ZNF529: variants seen among roughly 807,000 people sequenced by gnomAD.
ZNF529 encodes the protein zinc finger protein 529.
In ZNF529, 11 loss-of-function variants were observed where a neutral mutation model predicts 10.1. The ratio of observed to expected loss-of-function variants is 1.09; its 90% CI spans 0.69 to 1.81. The LOEUF is 1.81. Among genes scored for constraint, ZNF529 ranks in the 40% most tolerant of loss-of-function variants. The pLI, the probability that ZNF529 is intolerant of heterozygous loss-of-function variation, is 0.00. For synonymous variants in ZNF529, 204 were observed against 215.7 expected, an observed-to-expected ratio of 0.95 and a Z score of 0.47; for missense variants, 624 against 666.8, an observed-to-expected ratio of 0.94 and a Z score of 0.71.
Position 36,546,601 on chromosome 19 carries a change from A to G in ZNF529, c.*265T>C. The G allele has an allele frequency of 2.8e-6, 1 of 357,238 alleles. No homozygotes were observed. The highest frequency in any genetic ancestry group is 5.0e-6 in the Non-Finnish European group (1 of 198,662). The allele number at this position is 357,238 out of a possible 1,614,324, so 22.1% of individuals were successfully genotyped here. A position where few individuals can be genotyped will look rare whatever the true frequency, so the allele number is the denominator to read the frequency against. Reference sequence around the variant, plus strand: ...AGCAATAATACAAACATCAAAAGCTATTGTAAACAAAACATGCCAGGATGA... The same window carrying G: ...AGCAATAATACAAACATCAAAAGCTGTTGTAAACAAAACATGCCAGGATGA... On this transcript the variant is annotated 3_prime_UTR_variant, in exon 5 of 5. Coordinates refer to ENST00000591340, the MANE Select transcript of ZNF529 (RefSeq NM_020951.5).
chr19:36,551,919 A>G (rs1037912486), intron 4 of ZNF529: 17 of 152,210 alleles, frequency 1.1e-4, no homozygotes, highest in African/African-American at 4.1e-4. Context: ...CAATTCCATG[A>G]GAGCAGGGTC....
At chr19:36,575,591 AAT>A (rs1432839453), upstream of ZNF529, among the ~76,000 whole-genome samples, 1 of 152,088 alleles carries the variant, frequency 6.6e-6, no homozygotes, top group African/African-American at 2.4e-5. Flanking sequence ...TAGTAATTAA[AAT>A]AGTCATTTTC....
chr19:36,595,823 C>T (rs1600370907), intron 1 of ZNF529, among the ~76,000 whole-genome samples: 1 of 152,032 alleles, frequency 6.6e-6, no homozygotes, highest in Admixed American at 6.6e-5. Context: ...TTGGAGATAG[C>T]ATATATCTAC....
rs545910242 is a variant in ZNF529, at chr19:36,591,463, T to C, written c.-127-1762A>G. On this transcript the variant is annotated intron_variant, in intron 1 of 4. Coordinates refer to the ZNF529 transcript ENST00000585960. Reference sequence around the variant, plus strand: ...GGCCAGACGCAGTGGCTCACACCTGTAATCCCAGCACTTTGGGAGGCCGAG... The same window carrying C: ...GGCCAGACGCAGTGGCTCACACCTGCAATCCCAGCACTTTGGGAGGCCGAG... Among the ~76,000 whole-genome samples, 10 of 152,170 alleles carry C rather than the reference T, an allele frequency of 6.6e-5. No homozygotes were observed. The South Asian group carries it at 2.1e-3, about 32-fold the overall frequency.
rs1000367485 is a variant in ZNF529 at position 36,598,944 on chromosome 19, C to G, written c.-128+6182G>C. 5.3e-5 allele frequency among the ~76,000 whole-genome samples: 8 copies of G among 152,126 alleles called. No individual in the cohort carries two copies. The East Asian group carries it at 1.5e-3, about 29-fold the overall frequency. On this transcript the variant is annotated intron_variant, in intron 1 of 4. Transcript: ENST00000585960. ...AGCACAGCCTGCAAATGTAATTAGT[C>G]TTCACTAACAACATTACCCACAGAT...
At chr19:36,568,327 T>C (rs1001297573) in intron 2 of ZNF529, among the ~76,000 whole-genome samples, 2 of 152,142 alleles carry the variant, frequency 1.3e-5, no homozygotes, top group Non-Finnish European at 2.9e-5. Context: ...ACTCCATCTC[T>C]AGTGCAGCAT....
chr19:36,591,141 A>C (rs1457153533), intron 1 of ZNF529, among the ~76,000 whole-genome samples: 1 of 150,748 alleles, frequency 6.6e-6, no homozygotes, highest in Non-Finnish European at 1.5e-5. Flanking sequence ...TCTACTAAAA[A>C]TACAAAAATT....
chr19:36,547,749 G>T lies in ZNF529; in HGVS notation c.809C>A (p.Thr270Asn). Residue 270 changes from threonine (T) to asparagine (N), a missense_variant, in exon 5 of 5, where the codon ACT becomes AAT. Thr to Asn is a moderately conservative substitution (Grantham distance 65, BLOSUM62 0). Coordinates refer to ENST00000591340, the MANE Select transcript of ZNF529 (RefSeq NM_020951.5). Reference sequence around the variant, plus strand: ...ACCATCATGAACTCTTTGAAGTGGAGTAACTTTTCCAACTCTTTCAAAGGT... The same window carrying T: ...ACCATCATGAACTCTTTGAAGTGGATTAACTTTTCCAACTCTTTCAAAGGT... ...RRTFERVGKV[T>N]PLQRVHDGEK... 1 of 1,613,474 alleles carries T rather than the reference G, an allele frequency of 6.2e-7. No homozygotes were observed. The highest frequency in any genetic ancestry group is 1.3e-5 in the African/African-American group (1 of 75,026).
chr19:36,596,704 A>G (rs1338182108), intron 1 of ZNF529, among the ~76,000 whole-genome samples: 2 of 150,960 alleles, frequency 1.3e-5, no homozygotes, highest in Non-Finnish European at 3.0e-5. Flanking sequence ...TTTTTAGTAA[A>G]GATGGGGTTT....
intron 2 of ZNF529, among the ~76,000 whole-genome samples, chr19:36,587,984 C>G (rs1488186471): frequency 6.6e-6 from 1 of 152,042 alleles, no homozygotes; most frequent in Non-Finnish European, 1.5e-5. Flanking sequence ...CCTTTCTTTA[C>G]TAAAAATACA....
rs1450965085 is a variant in ZNF529 at position 36,546,307 on chromosome 19, A to G, written c.*559T>C. On this transcript the variant is annotated 3_prime_UTR_variant, in exon 5 of 5. Transcript: ENST00000591340. ...CTATGTATGTGTTTTTTTGGGGGGA[A>G]TATGTTGTATCAAAATAAAGTAGAA... The G allele has an allele frequency of 1.3e-5, 2 of 151,894 alleles. No homozygotes were observed. Among genetic ancestry groups the G allele is most frequent in the Non-Finnish European group, 2.9e-5 (2 of 68,138 alleles). The allele number at this position is 151,894 out of a possible 1,614,324, so 9.4% of individuals were successfully genotyped here.
Position 36,547,564 on chromosome 19 carries a change from G to C in ZNF529, c.994C>G (p.His332Asp), listed in dbSNP as rs369456929. 2 of 1,613,810 alleles carry C rather than the reference G, an allele frequency of 1.2e-6. No homozygotes were observed. Among genetic ancestry groups the C allele is most frequent in the African/African-American group, 2.7e-5 (2 of 74,924 alleles). Residue 332 changes from histidine to aspartate, a missense_variant, in exon 5 of 5, where the codon CAT becomes GAT. Coordinates refer to ENST00000591340, the MANE Select transcript of ZNF529 (RefSeq NM_020951.5). ...CATTTGTAGGGTTTCTCACCAGTAT[G>C]AATTCTCTGATGTTCGGTAAGCTGT... ...HSQLTEHQRIHTGEKPYKCMH... is the reference protein window; with the variant it reads ...HSQLTEHQRIDTGEKPYKCMH...
At chr19:36,561,278 T>C (rs1209832147) in intron 2 of ZNF529, among the ~76,000 whole-genome samples, 2 of 152,168 alleles carry the variant, frequency 1.3e-5, no homozygotes, top group Non-Finnish European at 2.9e-5. Flanking sequence ...GTTTAGTCCC[T>C]GCTCTGGAGG....
intron 1 of ZNF529, among the ~76,000 whole-genome samples, chr19:36,589,975 T>C (rs574458835): frequency 6.6e-6 from 1 of 152,260 alleles, no homozygotes; most frequent in Admixed American, 6.5e-5. Flanking sequence ...CACAAATGTT[T>C]GGAAATTAAA....
Position 36,547,258 on chromosome 19 carries a change from C to G in ZNF529, c.1300G>C (p.Gly434Arg). 6.2e-7 allele frequency: 1 copy of G among 1,613,704 alleles called. No homozygotes were observed. The highest frequency in any genetic ancestry group is 8.5e-7 in the Non-Finnish European group (1 of 1,179,802). Residue 434 changes from glycine (G) to arginine (R), a missense_variant, in exon 5 of 5, where the codon GGT (glycine) becomes CGT (arginine). Transcript: ENST00000591340. ...CKECEKAFGV[G>R]SELTRHERIH... ...CTTTCATGTCGAGTAAGTTCACTACCTACTCCAAATGCTTTCTCACATTCT... is the reference window on the plus strand; with the variant it reads ...CTTTCATGTCGAGTAAGTTCACTACGTACTCCAAATGCTTTCTCACATTCT...
At chr19:36,574,875 T>G, upstream of ZNF529, 1 of 471,296 alleles carries the variant, frequency 2.1e-6, no homozygotes, top group Non-Finnish European at 4.4e-6. Flanking sequence ...GGGCAAATAT[T>G]TAGAAGAAAA....
chr19:36,597,719 T>G (rs1420256991), intron 1 of ZNF529, among the ~76,000 whole-genome samples: 1 of 152,174 alleles, frequency 6.6e-6, no homozygotes, highest in Non-Finnish European at 1.5e-5. Context: ...ATAAATAATC[T>G]GTGCCACATC....
chr19:36,591,981 G>A (rs1052112261), intron 1 of ZNF529, among the ~76,000 whole-genome samples: 3 of 151,598 alleles, frequency 2.0e-5, no homozygotes, highest in Non-Finnish European at 2.9e-5. Context: ...TAAGAAAATG[G>A]TAGCAAATTT....
upstream of ZNF529, among the ~76,000 whole-genome samples, chr19:36,575,839 T>TG (rs925271376): frequency 6.6e-6 from 1 of 152,040 alleles, no homozygotes; most frequent in African/African-American, 2.4e-5. Flanking sequence ...ATGTGTTTTT[T>TG]TTTTGTTTTG....
Sources: gnomAD v4.1 joint callset for allele counts (sites outside exome capture counted in the v4.1 genomes callset) on GRCh38, gnomAD v4.1.1 for gene constraint, MANE v1.5 for transcripts, NCBI Gene and HGNC (gene_info 2026-07-23, HGNC 2026-07-21) for gene names.